Variants in KIF27 observed in about 807,000 individuals in gnomAD.
KIF27 encodes the protein kinesin-like protein KIF27.
KIF27 carries 84 observed loss-of-function variants against 141.8 expected under a neutral mutation model. The ratio of observed to expected loss-of-function variants is 0.59; its 90% CI spans 0.50 to 0.71. The LOEUF is 0.71. KIF27 is among the 30% of genes least tolerant of loss of function. The pLI is 0.00. For synonymous variants in KIF27, 471 were observed against 569.5 expected, an observed-to-expected ratio of 0.83 and a Z score of 2.46; for missense variants, 1,306 against 1,628.4, an observed-to-expected ratio of 0.80 and a Z score of 3.41.
At chr9:83,856,906 CAA>C (rs573136318) in intron 14 of KIF27, among the ~76,000 whole-genome samples, 64 of 76,250 alleles carry the variant, frequency 8.4e-4, no homozygotes, top group Admixed American at 1.6e-3. Flanking sequence ...GACTCCATCT[CAA>C]AAAAAAAAAA....
At chr9:83,911,808 G>A (rs1450424315) in intron 2 of KIF27, among the ~76,000 whole-genome samples, 3 of 152,144 alleles carry the variant, frequency 2.0e-5, no homozygotes, top group African/African-American at 7.2e-5. Flanking sequence ...TGGGATTACA[G>A]AAGTGAGCCA....
Position 83,848,061 on chromosome 9 carries a change from CATATATATGATATATGATATATCAT to C in KIF27, c.3556+2013_3556+2037del, listed in dbSNP as rs1169274494. On this transcript the variant is annotated intron_variant, in intron 16 of 17. Coordinates refer to ENST00000297814, the MANE Select transcript of KIF27 (RefSeq NM_017576.4). Reference sequence around the variant, plus strand: ...TATATATCTACATATATCTATATATCATATATATGATATATGATATATCATATATATGATATATATGATATCTCAT... The same window carrying C: ...TATATATCTACATATATCTATATATCATATATGATATATATGATATCTCAT... Among the ~76,000 whole-genome samples, 5 of 19,290 alleles carry C rather than the reference CATATATATGATATATGATATATCAT, an allele frequency of 2.6e-4. 2 individuals carry two copies. Among genetic ancestry groups the C allele is most frequent in the African/African-American group, 3.2e-4 (2 of 6,324 alleles). The allele number at this position is 19,290 out of a possible 152,430, so 12.7% of individuals were successfully genotyped here. A position where few individuals can be genotyped will look rare whatever the true frequency, so the allele number is the denominator to read the frequency against.
chr9:83,852,631 T>TTTTATTTAA (rs1472885519), intron 15 of KIF27, among the ~76,000 whole-genome samples: 2 of 152,164 alleles, frequency 1.3e-5, no homozygotes, highest in Non-Finnish European at 2.9e-5. Context: ...AGAATTATAA[T>TTTTATTTAA]TTTATTTAAT....
At chr9:83,861,733 A>C (rs1469338585) in intron 13 of KIF27, among the ~76,000 whole-genome samples, 3 of 151,516 alleles carry the variant, frequency 2.0e-5, no homozygotes, top group Non-Finnish European at 4.4e-5. Context: ...TTCTAGTTGT[A>C]GATCCTTGAG....
At chr9:83,878,267 TGAG>T (rs1951392916) in intron 11 of KIF27, among the ~76,000 whole-genome samples, 1 of 148,750 alleles carries the variant, frequency 6.7e-6, no homozygotes, top group Non-Finnish European at 1.5e-5. Context: ...TTGACAAAAG[TGAG>T]GAGAAATTAG....
In KIF27 at chr9:83,883,956, C is replaced by A. The variant is rs879897580; in HGVS notation, c.2302G>T (p.Ala768Ser). 4.3e-6 allele frequency: 7 copies of A among 1,613,634 alleles called. No individual in the cohort carries two copies. The highest frequency in any genetic ancestry group is 5.9e-6 in the Non-Finnish European group (7 of 1,179,754). ...SLKVTKLEHD[A>S]EQAKVELIET... ...ATCAGTTCGACTTTTGCCTGTTCTG[C>A]ATCATGCTCTAGCTTTGTTACTTTC... Residue 768 changes from alanine to serine, a missense_variant, in exon 10 of 18, where the codon GCA becomes TCA. Ala to Ser is a moderately conservative substitution (Grantham distance 99). Around this residue, in one of 4 missense-constraint regions of KIF27, gnomAD observed 596 missense variants for 751.6 expected, o/e 0.79. Coordinates refer to ENST00000297814, the MANE Select transcript of KIF27 (RefSeq NM_017576.4).
chr9:83,862,021 G>A (rs939004263), intron 13 of KIF27, among the ~76,000 whole-genome samples: 3 of 151,948 alleles, frequency 2.0e-5, no homozygotes, highest in African/African-American at 7.2e-5. Flanking sequence ...CTTGTTGATG[G>A]GGTTGTTTTT....
At chr9:83,899,589 T>A (rs186819231) in intron 5 of KIF27, 72 bp downstream of exon 5, 93 of 1,065,704 alleles carry the variant, frequency 8.7e-5, no homozygotes, top group Admixed American at 1.7e-4. Context: ...CATTTATCAT[T>A]TAAAATGCTA....
At chr9:83,921,212 A>AC (rs1338659497) in intron 1 of KIF27, among the ~76,000 whole-genome samples, 159 bp downstream of exon 1, 1 of 149,454 alleles carries the variant, frequency 6.7e-6, no homozygotes. Flanking sequence ...ACCCTCCGCT[A>AC]CCCACCCGCG....
intron 17 of KIF27, among the ~76,000 whole-genome samples, chr9:83,841,045 CATGATAA>C (rs1462763674): frequency 6.6e-6 from 1 of 151,988 alleles, no homozygotes; most frequent in African/African-American, 2.4e-5. Flanking sequence ...AATGTCTATA[CATGATAA>C]ATGTCACAAA....
intron 13 of KIF27, among the ~76,000 whole-genome samples, chr9:83,867,375 G>GATCGATCT (rs752406858): frequency 6.8e-6 from 1 of 147,928 alleles, no homozygotes; most frequent in Non-Finnish European, 1.5e-5. Flanking sequence ...TACAGAGATA[G>GATCGATCT]ATCTATCTAT....
intron 14 of KIF27, among the ~76,000 whole-genome samples, chr9:83,855,859 A>C (rs1428309296): frequency 1.3e-5 from 2 of 152,224 alleles, no homozygotes; most frequent in African/African-American, 4.8e-5. Context: ...TTTCGTATAA[A>C]TTCAGTTTCT....
At chr9:83,848,299 T>C (rs1193968540) in intron 16 of KIF27, among the ~76,000 whole-genome samples, 1 of 112,460 alleles carries the variant, frequency 8.9e-6, no homozygotes, top group Non-Finnish European at 1.7e-5. Context: ...ATATCAGATA[T>C]GATATATATG....
chr9:83,845,815 A>G (rs1317844410), intron 16 of KIF27, among the ~76,000 whole-genome samples: 1 of 152,214 alleles, frequency 6.6e-6, no homozygotes, highest in Admixed American at 6.5e-5. Context: ...ATGATTGGAA[A>G]ACTGGTGACA....
At chr9:83,851,821 G>A (rs1948616606) in intron 15 of KIF27, among the ~76,000 whole-genome samples, 1 of 152,138 alleles carries the variant, frequency 6.6e-6, no homozygotes, top group Admixed American at 6.5e-5. Context: ...CCTTAGCCAG[G>A]TTGCCTTGCT....
At chr9:83,848,324 T>TATATATG (rs1948030661) in intron 16 of KIF27, among the ~76,000 whole-genome samples, 2 of 93,758 alleles carry the variant, frequency 2.1e-5, no homozygotes, top group Non-Finnish European at 4.2e-5. Flanking sequence ...ATCATATATC[T>TATATATG]ATATATCTAT....
chr9:83,909,187 A>C (rs1954885580), intron 2 of KIF27, among the ~76,000 whole-genome samples: 2 of 152,216 alleles, frequency 1.3e-5, no homozygotes, highest in Non-Finnish European at 1.5e-5. Context: ...AAAAAGTGTT[A>C]ATTGTACCTG....
rs1956261825 is a variant in KIF27 at position 83,921,364 on chromosome 9, C to A, written c.-88+7G>T. On this transcript the variant is annotated splice_region_variant and intron_variant, in intron 1 of 17. Coordinates refer to ENST00000297814, the MANE Select transcript of KIF27 (RefSeq NM_017576.4). ...CGCACCGCCCGCCAGGCCCGCCGAG[C>A]ACTGACCGGCTCGGGACAGCCCAGG... The A allele has an allele frequency of 6.6e-6, 1 of 151,258 alleles. No individual in the cohort carries two copies. The highest frequency in any genetic ancestry group is 1.5e-5 in the Non-Finnish European group (1 of 67,924). 9.4% of individuals were successfully genotyped at this position (151,258 alleles called of 1,614,324 possible).
chr9:83,880,317 G>A lies in KIF27; in HGVS notation c.2623C>T (p.Arg875Trp), dbSNP rs759775007. The change falls in exon 11 of 18, where the codon CGG becomes TGG. Residue 875 changes from arginine to tryptophan, a missense_variant. Transcript: ENST00000297814. ...ATTACTTTGATTTTTTGCTGGTCCC[G>A]CTTAATTACTGCATCCAGTTGCTTC... ...KRKQLDAVIKRDQQKIKEIQL... is the reference protein window; with the variant it reads ...KRKQLDAVIKWDQQKIKEIQL... 8 of 1,613,562 alleles carry A rather than the reference G, an allele frequency of 5.0e-6. No individual in the cohort carries two copies. The highest frequency in any genetic ancestry group is 5.9e-6 in the Non-Finnish European group (7 of 1,179,816).
Sources: allele counts gnomAD v4.1 joint callset (sites outside exome capture counted in the v4.1 genomes callset), GRCh38; gene constraint gnomAD v4.1.1; regional missense constraint gnomAD v4.1.1; transcripts MANE v1.5; gene names NCBI Gene and HGNC (gene_info 2026-07-23, HGNC 2026-07-21).